OSBPL9: variants seen among roughly 807,000 people sequenced by gnomAD.
The protein encoded by OSBPL9 is oxysterol-binding protein-related protein 9.
OSBPL9 carries 40 observed loss-of-function variants against 106.6 expected under a neutral mutation model. The ratio of observed to expected loss-of-function variants is 0.38; its 90% CI spans 0.29 to 0.49. The LOEUF is 0.49. Ranked by LOEUF, OSBPL9 falls within the 20% of genes least tolerant of loss-of-function variation. OSBPL9 has a pLI of 0.97. For synonymous variants in OSBPL9, 269 were observed against 295.4 expected (o/e 0.91, Z 0.92); for missense variants, 609 against 887.2 (o/e 0.69, Z 3.98).
At chr1:51,782,510 T>A in intron 16 of OSBPL9, 49 bp from the exon 17 acceptor site, 1 of 1,545,916 alleles carries the variant, frequency 6.5e-7, no homozygotes, top group Non-Finnish European at 8.9e-7. Context: ...CTCTGAAATG[T>A]CATTTGTGTT....
chr1:51,603,755 T>A (rs1304137695), intron 2 of OSBPL9, among the ~76,000 whole-genome samples: 1 of 152,178 alleles, frequency 6.6e-6, no homozygotes, highest in African/African-American at 2.4e-5. Flanking sequence ...GTGTATGTAG[T>A]AGAAAAAGTA....
At chr1:51,639,787 G>T (rs1330594527) in intron 1 of OSBPL9, among the ~76,000 whole-genome samples, 3 of 138,474 alleles carry the variant, frequency 2.2e-5, no homozygotes, top group Non-Finnish European at 4.7e-5. Context: ...GTGTCCTCAT[G>T]TAACAGATTC....
intron 9 of OSBPL9, chr1:51,759,849 C>G (rs1671126360): frequency 6.6e-6 from 1 of 152,140 alleles, no homozygotes; most frequent in Admixed American, 6.5e-5. Context: ...AAAGCAAGCC[C>G]TCTTCTCTAC....
rs144561611 is a variant in OSBPL9, at chr1:51,784,603, A to G, written c.1829+21A>G. On this transcript the variant is annotated intron_variant, in intron 20 of 23. Transcript: ENST00000428468. ...ATTTTGTAGGTATTTTTTCTGCCTTAGAGCTCTTATGCTTTTCTGAAATAA... is the reference window on the plus strand; with the variant it reads ...ATTTTGTAGGTATTTTTTCTGCCTTGGAGCTCTTATGCTTTTCTGAAATAA... 9.4e-4 allele frequency: 1,516 copies of G among 1,612,030 alleles called. 18 individuals carry two copies. The African/African-American group carries it at 0.019, about 20-fold the overall frequency.
chr1:51,614,701 A>G (rs1644012601), upstream of OSBPL9, among the ~76,000 whole-genome samples: 1 of 152,114 alleles, frequency 6.6e-6, no homozygotes, highest in Non-Finnish European at 1.5e-5. Context: ...ATAAGAGCTA[A>G]TATTAATTGA....
At chr1:51,636,337 C>CT (rs879261964) in intron 1 of OSBPL9, among the ~76,000 whole-genome samples, 75 of 139,274 alleles carry the variant, frequency 5.4e-4, no homozygotes, top group South Asian at 6.9e-4. Flanking sequence ...CCACTTCATT[C>CT]TTTTTTTTTT....
chr1:51,538,859 T>G, the OSBPL9 span: 1 of 152,264 alleles, frequency 6.6e-6, no homozygotes, highest in African/African-American at 2.4e-5. Context: ...TCAGCTGACC[T>G]CTCCAATTTT....
rs1398454355 is a variant in OSBPL9 at position 51,784,337 on chromosome 1, T to C, written c.1688+10T>C. On this transcript the variant is annotated intron_variant, in intron 19 of 23. Transcript: ENST00000428468. ...CCAATGGCTATGGAAGGCAAGTGTG[T>C]CCATTTCCTCTGATCAGCAGTAGAC... The C allele has an allele frequency of 6.2e-7, 1 of 1,612,560 alleles. No homozygotes were observed.
At chr1:51,744,060 A>G (rs954677199) in intron 4 of OSBPL9, among the ~76,000 whole-genome samples, 2 of 152,136 alleles carry the variant, frequency 1.3e-5, no homozygotes, top group South Asian at 2.1e-4. Flanking sequence ...CTTGATATGT[A>G]TGTAAAATAG....
At chr1:51,544,030 T>C in the OSBPL9 span, among the ~76,000 whole-genome samples, 1 of 152,224 alleles carries the variant, frequency 6.6e-6, no homozygotes, top group Non-Finnish European at 1.5e-5. Flanking sequence ...TACCATGTGA[T>C]GAATGCAAGA....
At chr1:51,634,554 G>A (rs531421538) in intron 1 of OSBPL9, among the ~76,000 whole-genome samples, 30 of 152,114 alleles carry the variant, frequency 2.0e-4, no homozygotes, top group Admixed American at 5.2e-4. Flanking sequence ...ATTTATTCAC[G>A]TGCATAAGCA....
intron 3 of OSBPL9, among the ~76,000 whole-genome samples, chr1:51,690,879 C>A (rs561649296): frequency 6.6e-6 from 1 of 152,258 alleles, no homozygotes; most frequent in African/African-American, 2.4e-5. Flanking sequence ...CTTACACAAA[C>A]CTAGATGGGA....
intron 3 of OSBPL9, among the ~76,000 whole-genome samples, chr1:51,675,918 C>T (rs77609222): frequency 0.015 from 2,259 of 151,922 alleles, 24 homozygotes; most frequent in Non-Finnish European, 0.024. Flanking sequence ...TGAATAGTGC[C>T]TACCATAAAA....
intron 3 of OSBPL9, among the ~76,000 whole-genome samples, chr1:51,695,056 T>A (rs1260522511): frequency 6.6e-6 from 1 of 152,202 alleles, no homozygotes; most frequent in Non-Finnish European, 1.5e-5. Context: ...ACAAATGCTT[T>A]TCCTTGAGAT....
chr1:51,555,752 G>C, the OSBPL9 span, among the ~76,000 whole-genome samples: 9 of 151,746 alleles, frequency 5.9e-5, no homozygotes, highest in Non-Finnish European at 1.2e-4. Flanking sequence ...TTGTATTTTA[G>C]TAGAGACAGG....
At chr1:51,526,957 G>A in the OSBPL9 span, among the ~76,000 whole-genome samples, 5 of 152,016 alleles carry the variant, frequency 3.3e-5, no homozygotes, top group African/African-American at 1.2e-4. Flanking sequence ...AGTTGGCTAG[G>A]ATACTCTTGA....
At chr1:51,547,220 G>A in the OSBPL9 span, among the ~76,000 whole-genome samples, 1 of 152,154 alleles carries the variant, frequency 6.6e-6, no homozygotes, top group Non-Finnish European at 1.5e-5. Flanking sequence ...TGCTATTTAT[G>A]GTCATAGGGA....
rs6692217 is a variant in OSBPL9, at chr1:51,630,693, A to G, written c.111+13472A>G. On this transcript the variant is annotated intron_variant, in intron 1 of 23. Coordinates refer to ENST00000428468, the MANE Select transcript of OSBPL9 (RefSeq NM_024586.6). ...TACATTTAGGTAACGCTAAACTTAC[A>G]AAAAAAATTTCTTTCTTCAATAAAT... is the stretch of plus-strand genomic sequence containing the variant. Among the ~76,000 whole-genome samples the G allele has an allele frequency of 5.6e-3, 854 of 152,168 alleles. 2 individuals are homozygous for G. The highest frequency in any genetic ancestry group is 0.019 in the African/African-American group (809 of 41,536).
the OSBPL9 span, among the ~76,000 whole-genome samples, chr1:51,570,211 G>A: frequency 1.3e-5 from 2 of 152,270 alleles, no homozygotes; most frequent in South Asian, 2.1e-4. Flanking sequence ...CCATAGCCTC[G>A]TAGATCAAAT....
Sources: allele counts gnomAD v4.1 joint callset (sites outside exome capture counted in the v4.1 genomes callset), GRCh38; gene constraint gnomAD v4.1.1; transcripts MANE v1.5; gene names NCBI Gene and HGNC (gene_info 2026-07-23, HGNC 2026-07-21).